Variants in PAFAH1B1 observed in about 807,000 individuals in gnomAD.
The protein encoded by PAFAH1B1 is platelet-activating factor acetylhydrolase IB subunit beta.
Under a neutral mutation model 57.5 loss-of-function variants are expected in PAFAH1B1, and 2 were observed. The observed-to-expected ratio is 0.03, with a 90% CI of 0.01 to 0.11. The LOEUF is 0.11. Ranked by LOEUF, PAFAH1B1 falls within the 10% of genes least tolerant of loss-of-function variation. PAFAH1B1 has a pLI of 1.00. For synonymous variants in PAFAH1B1, 152 were observed against 169.6 expected (o/e 0.90, Z 0.81); for missense variants, 257 against 512.0 (o/e 0.50, Z 4.81).
chr17:2,665,222 G>T, intron 2 of PAFAH1B1, 150 bp from the exon 3 acceptor site: 1 of 630,140 alleles, frequency 1.6e-6, no homozygotes, highest in Non-Finnish European at 2.8e-6. Flanking sequence ...CTTTGCGGGG[G>T]TGTCCTTTTT....
intron 4 of PAFAH1B1, among the ~76,000 whole-genome samples, chr17:2,666,735 C>T (rs528323598): frequency 3.3e-5 from 5 of 152,104 alleles, no homozygotes; most frequent in Admixed American, 2.0e-4. Flanking sequence ...AGATACAAAT[C>T]GAAATTTTTC....
chr17:2,677,727 G>T lies in PAFAH1B1; in HGVS notation c.1002+1121G>T, dbSNP rs1265999037. 2.6e-5 allele frequency among the ~76,000 whole-genome samples: 4 copies of T among 151,992 alleles called. No individual in the cohort carries two copies. In the East Asian group the frequency reaches 7.8e-4, roughly 30 times the overall value. ...AAATTAGCCGGGCATCCTGGCGGGT[G>T]CCTGTAGTCCCAGCTACTTGGGAGG... is the stretch of plus-strand genomic sequence containing the variant. On this transcript the variant is annotated intron_variant, in intron 9 of 10. Transcript: ENST00000397195.
chr17:2,652,394 G>C (rs898595899), intron 2 of PAFAH1B1, among the ~76,000 whole-genome samples: 2 of 152,216 alleles, frequency 1.3e-5, no homozygotes, highest in East Asian at 1.9e-4. Flanking sequence ...CAGCCTGGGC[G>C]GCAGAGCGAG....
chr17:2,647,085 C>T (rs768448834), intron 2 of PAFAH1B1, among the ~76,000 whole-genome samples: 2 of 152,172 alleles, frequency 1.3e-5, no homozygotes, highest in East Asian at 1.9e-4. Context: ...CACAGTGGCT[C>T]ATGCCTGTAA....
intron 1 of PAFAH1B1, among the ~76,000 whole-genome samples, chr17:2,623,537 C>A (rs1436015661): frequency 1.3e-5 from 2 of 151,784 alleles, no homozygotes; most frequent in Non-Finnish European, 2.9e-5. Flanking sequence ...GGATTACAGG[C>A]GTGAGCCACT....
intron 6 of PAFAH1B1, among the ~76,000 whole-genome samples, chr17:2,671,764 G>C (rs183180317): frequency 1.3e-5 from 2 of 151,380 alleles, no homozygotes; most frequent in Admixed American, 1.3e-4. Flanking sequence ...CACCACACCC[G>C]GCTAACTTTT....
chr17:2,602,866 T>C (rs2068160925), intron 1 of PAFAH1B1, among the ~76,000 whole-genome samples: 1 of 152,278 alleles, frequency 6.6e-6, no homozygotes, highest in South Asian at 2.1e-4. Flanking sequence ...GCTTTGTAAG[T>C]AGCAGAGCTG....
intron 2 of PAFAH1B1, among the ~76,000 whole-genome samples, chr17:2,643,410 C>T (rs566723262): frequency 7.2e-4 from 109 of 152,148 alleles, no homozygotes; most frequent in Non-Finnish European, 1.4e-3. Context: ...TGAGCCACTG[C>T]ACCTGGCCAC....
At chr17:2,618,814 A>G (rs1470514425) in intron 1 of PAFAH1B1, among the ~76,000 whole-genome samples, 1 of 147,166 alleles carries the variant, frequency 6.8e-6, no homozygotes, top group Non-Finnish European at 1.5e-5. Flanking sequence ...TGGGAGGCCG[A>G]GGTAGGAGAA....
intron 1 of PAFAH1B1, among the ~76,000 whole-genome samples, chr17:2,617,300 A>T (rs1300821299): frequency 1.3e-5 from 2 of 152,204 alleles, no homozygotes; most frequent in South Asian, 4.1e-4. Flanking sequence ...GTGGTAGCTT[A>T]ATCTTTGGCT....
At position 2,681,827 on chromosome 17, in the gene PAFAH1B1, C is replaced by T. The variant is rs1486679001; in HGVS notation, c.*25C>T. 1 of 1,555,082 alleles carries T rather than the reference C, an allele frequency of 6.4e-7. No homozygotes were observed. Among genetic ancestry groups the T allele is most frequent in the East Asian group, 2.2e-5 (1 of 44,724 alleles). On this transcript the variant is annotated 3_prime_UTR_variant, in exon 11 of 11. Coordinates refer to ENST00000397195, the MANE Select transcript of PAFAH1B1 (RefSeq NM_000430.4). ...ATTGTGTCTCCTTCGGCCCCTCCTCCCTCTTTTCCTCTGGATGCACTCTGA... is the reference window on the plus strand; with the variant it reads ...ATTGTGTCTCCTTCGGCCCCTCCTCTCTCTTTTCCTCTGGATGCACTCTGA...
intron 1 of PAFAH1B1, among the ~76,000 whole-genome samples, chr17:2,600,191 C>T (rs1309456069): frequency 1.3e-5 from 2 of 151,774 alleles, no homozygotes; most frequent in African/African-American, 4.8e-5. Flanking sequence ...AGTGATCCAC[C>T]CGAGTTGGCC....
intron 1 of PAFAH1B1, among the ~76,000 whole-genome samples, chr17:2,622,798 C>T (rs1281655482): frequency 1.3e-5 from 2 of 152,234 alleles, no homozygotes; most frequent in African/African-American, 2.4e-5. Context: ...AGAGGTTCTC[C>T]ATGAGGGCCC....
intron 1 of PAFAH1B1, among the ~76,000 whole-genome samples, chr17:2,606,923 C>T (rs2068212057): frequency 6.8e-6 from 1 of 147,282 alleles, no homozygotes; most frequent in East Asian, 2.1e-4. Flanking sequence ...CTCCCAGGTT[C>T]ACACCATTCT....
intron 2 of PAFAH1B1, among the ~76,000 whole-genome samples, chr17:2,646,303 AAAGAG>A (rs1404584809): frequency 2.0e-5 from 3 of 152,218 alleles, no homozygotes; most frequent in African/African-American, 7.2e-5. Context: ...CCAATTTAAT[AAAGAG>A]AAAAGACATA....
intron 1 of PAFAH1B1, among the ~76,000 whole-genome samples, chr17:2,625,269 A>G (rs1042197143): frequency 6.6e-6 from 1 of 152,232 alleles, no homozygotes; most frequent in Non-Finnish European, 1.5e-5. Flanking sequence ...TGAAAAAATC[A>G]GACTCTTTGA....
At chr17:2,674,502 T>A (rs1329779243) in intron 8 of PAFAH1B1, among the ~76,000 whole-genome samples, 1 of 152,248 alleles carries the variant, frequency 6.6e-6, no homozygotes, top group Non-Finnish European at 1.5e-5. Context: ...CTTGATTTGA[T>A]ACGTGATGGG....
intron 1 of PAFAH1B1, among the ~76,000 whole-genome samples, chr17:2,605,610 C>G (rs535483240): frequency 6.6e-6 from 1 of 152,256 alleles, no homozygotes; most frequent in African/African-American, 2.4e-5. Context: ...TGCTTTGACT[C>G]CCTGCCGCGC....
chr17:2,593,373 G>C (rs531013296), upstream of PAFAH1B1: 2 of 152,610 alleles, frequency 1.3e-5, no homozygotes, highest in East Asian at 3.8e-4. Flanking sequence ...AGTCAGACGA[G>C]GGGCTGGGAA....
Sources: allele counts gnomAD v4.1 joint callset (sites outside exome capture counted in the v4.1 genomes callset), GRCh38; gene constraint gnomAD v4.1.1; transcripts MANE v1.5; gene names NCBI Gene and HGNC (gene_info 2026-07-23, HGNC 2026-07-21).